SPOCK1: variants seen among roughly 807,000 people sequenced by gnomAD.
The protein encoded by SPOCK1 is SPARC (osteonectin), cwcv and kazal like domains proteoglycan 1, also known as testican-1.
Under a neutral mutation model 55.3 loss-of-function variants are expected in SPOCK1, and 23 were observed. That is an observed-to-expected ratio of 0.42 (90% CI 0.30 to 0.59). SPOCK1 has a LOEUF of 0.59. Among genes scored for constraint, SPOCK1 ranks in the 20% least tolerant of loss-of-function variants. SPOCK1 has a pLI of 0.22. For synonymous variants in SPOCK1, 226 were observed against 221.0 expected (o/e 1.02, Z -0.20); for missense variants, 499 against 552.5 (o/e 0.90, Z 0.97).
chr5:137,327,951 C>A (rs544519812), intron 2 of SPOCK1, among the ~76,000 whole-genome samples: 71 of 152,178 alleles, frequency 4.7e-4, no homozygotes, highest in Non-Finnish European at 8.8e-4. Context: ...CCTACAGAGA[C>A]CCCTCAGATT....
At chr5:137,448,952 G>A (rs1357740519) in intron 2 of SPOCK1, among the ~76,000 whole-genome samples, 2 of 152,174 alleles carry the variant, frequency 1.3e-5, no homozygotes, top group Non-Finnish European at 2.9e-5. Flanking sequence ...TGATTTCCAC[G>A]GAGTTGTCAG....
intron 3 of SPOCK1, among the ~76,000 whole-genome samples, chr5:137,173,634 G>T (rs1488831392): frequency 2.0e-5 from 3 of 152,054 alleles, no homozygotes; most frequent in Non-Finnish European, 2.9e-5. Context: ...AATACAAATC[G>T]GTATTTCTTG....
At chr5:137,361,130 G>T (rs1750934607) in intron 2 of SPOCK1, among the ~76,000 whole-genome samples, 1 of 152,196 alleles carries the variant, frequency 6.6e-6, no homozygotes, top group African/African-American at 2.4e-5. Context: ...TGAGGATACA[G>T]AGAGAAGTTA....
intron 8 of SPOCK1, among the ~76,000 whole-genome samples, chr5:136,988,181 C>T (rs1750879500): frequency 6.6e-6 from 1 of 152,092 alleles, no homozygotes; most frequent in African/African-American, 2.4e-5. Context: ...AGAGACTTCC[C>T]CAAAGGGAGG....
intron 2 of SPOCK1, among the ~76,000 whole-genome samples, chr5:137,411,617 C>T (rs1752209613): frequency 6.6e-6 from 1 of 152,234 alleles, no homozygotes; most frequent in Admixed American, 6.5e-5. Context: ...CTTCTTTCCA[C>T]TCTGCCACTT....
intron 6 of SPOCK1, among the ~76,000 whole-genome samples, chr5:137,035,256 C>T (rs995896849): frequency 1.3e-5 from 2 of 152,184 alleles, no homozygotes; most frequent in African/African-American, 4.8e-5. Flanking sequence ...GTATCAGGAC[C>T]GGAGTGGTGG....
chr5:137,301,582 C>T (rs781531373), intron 2 of SPOCK1, among the ~76,000 whole-genome samples: 14 of 150,290 alleles, frequency 9.3e-5, no homozygotes, highest in South Asian at 2.1e-4. Context: ...GTATGAACTC[C>T]GGTTGTGATC....
At chr5:137,186,345 G>T (rs1318157612) in intron 3 of SPOCK1, among the ~76,000 whole-genome samples, 1 of 152,282 alleles carries the variant, frequency 6.6e-6, no homozygotes, top group South Asian at 2.1e-4. Flanking sequence ...GGCCCGTTTG[G>T]GGTATAGGGG....
chr5:137,195,615 A>G (rs1371062781), intron 3 of SPOCK1, among the ~76,000 whole-genome samples: 1 of 152,192 alleles, frequency 6.6e-6, no homozygotes, highest in South Asian at 2.1e-4. Flanking sequence ...GCCAGCCTTG[A>G]GCTTGGACTG....
At chr5:137,282,627 G>A (rs1040900947) in intron 2 of SPOCK1, among the ~76,000 whole-genome samples, 14 of 152,212 alleles carry the variant, frequency 9.2e-5, no homozygotes, top group African/African-American at 3.1e-4. Context: ...CAGGTTCAAA[G>A]TCAGCCATTA....
intron 2 of SPOCK1, among the ~76,000 whole-genome samples, chr5:137,444,944 CA>C (rs941351549): frequency 2.0e-5 from 3 of 152,206 alleles, no homozygotes; most frequent in African/African-American, 7.2e-5. Context: ...TCCAAATACC[CA>C]GGAAAGAGGC....
At chr5:137,061,305 C>T (rs762601653) in intron 6 of SPOCK1, among the ~76,000 whole-genome samples, 5 of 152,142 alleles carry the variant, frequency 3.3e-5, no homozygotes, top group African/African-American at 2.4e-5. Context: ...CCTTTTTCAC[C>T]GCCTCCTGTT....
At chr5:137,025,255 A>G (rs1215681187) in intron 6 of SPOCK1, among the ~76,000 whole-genome samples, 1 of 152,114 alleles carries the variant, frequency 6.6e-6, no homozygotes, top group Non-Finnish European at 1.5e-5. Context: ...GTTAAGGTAG[A>G]TCCCTTTTCC....
At chr5:137,019,120 G>C (rs534197041) in intron 6 of SPOCK1, among the ~76,000 whole-genome samples, 2 of 152,182 alleles carry the variant, frequency 1.3e-5, no homozygotes, top group East Asian at 1.9e-4. Flanking sequence ...TACACTGCTG[G>C]GGTCAGATGT....
intron 2 of SPOCK1, among the ~76,000 whole-genome samples, chr5:137,401,118 T>C (rs957472363): frequency 4.6e-5 from 7 of 152,072 alleles, no homozygotes; most frequent in Non-Finnish European, 1.0e-4. Context: ...CCAGGGGTCA[T>C]CCCTGATGGT....
At chr5:137,112,896 G>A (rs1034583552) in intron 4 of SPOCK1, among the ~76,000 whole-genome samples, 17 of 150,620 alleles carry the variant, frequency 1.1e-4, no homozygotes, top group East Asian at 3.9e-4. Context: ...CCCCAATACC[G>A]TATGTGGCAT....
At chr5:137,403,840 C>T (rs1445525681) in intron 2 of SPOCK1, among the ~76,000 whole-genome samples, 2 of 151,978 alleles carry the variant, frequency 1.3e-5, no homozygotes, top group African/African-American at 2.4e-5. Flanking sequence ...GCCTGCGAGA[C>T]GGGGTGGGTA....
intron 3 of SPOCK1, among the ~76,000 whole-genome samples, chr5:137,180,004 A>G (rs1283139738): frequency 2.0e-5 from 3 of 152,182 alleles, no homozygotes; most frequent in Admixed American, 1.3e-4. Context: ...TAACACTACA[A>G]TGTGACTGCT....
intron 2 of SPOCK1, among the ~76,000 whole-genome samples, chr5:137,322,073 A>T (rs1757990314): frequency 6.6e-6 from 1 of 152,144 alleles, no homozygotes; most frequent in Non-Finnish European, 1.5e-5. Flanking sequence ...AGCAACATAA[A>T]AGCATATATA....
Sources: allele counts gnomAD v4.1 joint callset (sites outside exome capture counted in the v4.1 genomes callset), GRCh38; gene constraint gnomAD v4.1.1; transcripts MANE v1.5; gene names NCBI Gene and HGNC (gene_info 2026-07-23, HGNC 2026-07-21).